BCO2: variants seen among roughly 807,000 people sequenced by gnomAD.
BCO2 encodes the protein carotenoid-cleaving dioxygenase, mitochondrial.
Under a neutral mutation model 65.8 loss-of-function variants are expected in BCO2, and 56 were observed. That is an observed-to-expected ratio of 0.85 (90% CI 0.69 to 1.06). The LOEUF (loss-of-function observed/expected upper bound fraction) is 1.06. Ranked by LOEUF, BCO2 falls within the 50% of genes least tolerant of loss-of-function variation. BCO2 has a pLI of 0.00. For missense variants in BCO2, 675 were observed against 698.5 expected (o/e 0.97, Z 0.38); for synonymous variants, 233 against 242.3 (o/e 0.96, Z 0.36).
chr11:112,177,101 G>T (rs908042478), intron 1 of BCO2, among the ~76,000 whole-genome samples: 5 of 152,052 alleles, frequency 3.3e-5, no homozygotes, highest in African/African-American at 4.8e-5. Context: ...TGCCCAATCA[G>T]GCCATTCAAT....
At chr11:112,181,355 G>A in intron 2 of BCO2, 1 of 479,608 alleles carries the variant, frequency 2.1e-6, no homozygotes, top group East Asian at 3.9e-5. Context: ...CTAATTTTTT[G>A]TATTTTTAGT....
At chr11:112,178,986 A>T (rs1209688185) in intron 1 of BCO2, among the ~76,000 whole-genome samples, 3 of 152,238 alleles carry the variant, frequency 2.0e-5, no homozygotes, top group Non-Finnish European at 2.9e-5. Flanking sequence ...TGATAAAAAT[A>T]GTAATTGAAG....
At chr11:112,184,715 C>T (rs752445703) in intron 2 of BCO2, among the ~76,000 whole-genome samples, 8 of 151,782 alleles carry the variant, frequency 5.3e-5, no homozygotes, top group Non-Finnish European at 7.4e-5. Flanking sequence ...AAATTTTAGC[C>T]CAATTTTCTT....
chr11:112,181,815 T>G (rs971336555), intron 2 of BCO2: 80 of 897,866 alleles, frequency 8.9e-5, no homozygotes, highest in Non-Finnish European at 1.4e-4. Flanking sequence ...CAGTTTAAGC[T>G]GCTGTAATCT....
At chr11:112,189,515 C>G (rs547942797) in intron 2 of BCO2, among the ~76,000 whole-genome samples, 6 of 151,924 alleles carry the variant, frequency 3.9e-5, no homozygotes, top group African/African-American at 1.2e-4. Flanking sequence ...ATGCCATTCT[C>G]CTGTGTCAGC....
intron 5 of BCO2, 27 bp from the exon 6 acceptor site, chr11:112,199,672 G>T (rs1371756826): frequency 1.2e-6 from 2 of 1,605,768 alleles, no homozygotes; most frequent in Non-Finnish European, 1.7e-6. Context: ...ATGTAAAACA[G>T]GTAAGATAGG....
In BCO2 at chr11:112,217,815, C is replaced by T. The variant is rs746511655; in HGVS notation, c.1681C>T (p.Arg561Ter). 9.9e-6 allele frequency: 16 copies of T among 1,613,956 alleles called. No individual in the cohort carries two copies. Among genetic ancestry groups the T allele is most frequent in the East Asian group, 4.5e-5 (2 of 44,898 alleles). ...LDAKNFEELG[R>*]AEVPVQMPYG... ...TGCCAAGAACTTTGAAGAGCTGGGCCGAGCAGAGGTACCTGTGCAGATGCC... is the reference window on the plus strand; with the variant it reads ...TGCCAAGAACTTTGAAGAGCTGGGCTGAGCAGAGGTACCTGTGCAGATGCC... The change falls in exon 12 of 12, where the codon CGA becomes TGA. Residue 561 changes from arginine to a stop codon, truncating the protein, a stop_gained. Transcript: ENST00000357685. LOFTEE classifies it high-confidence loss of function.
chr11:112,213,504 A>G (rs562504402), intron 8 of BCO2, among the ~76,000 whole-genome samples: 1 of 152,198 alleles, frequency 6.6e-6, no homozygotes, highest in Non-Finnish European at 1.5e-5. Flanking sequence ...TATAAATTAT[A>G]TGAGGCCAAA....
At chr11:112,201,272 C>T (rs985171480) in intron 7 of BCO2, among the ~76,000 whole-genome samples, 5 of 152,000 alleles carry the variant, frequency 3.3e-5, no homozygotes, top group South Asian at 2.1e-4. Context: ...CTCAGCCTCC[C>T]GAGTAGCTGG....
Sources: gnomAD v4.1 joint callset for allele counts (sites outside exome capture counted in the v4.1 genomes callset) on GRCh38, gnomAD v4.1.1 for gene constraint, MANE v1.5 for transcripts, NCBI Gene and HGNC (gene_info 2026-07-23, HGNC 2026-07-21) for gene names.